PRKG1: variants seen among roughly 807,000 people sequenced by gnomAD.
PRKG1 encodes the protein cGMP-dependent protein kinase 1.
PRKG1 carries 35 observed loss-of-function variants against 88.1 expected under a neutral mutation model. The observed-to-expected ratio is 0.40, with a 90% CI of 0.30 to 0.53. The LOEUF is 0.53. Ranked by LOEUF, PRKG1 falls within the 20% of genes least tolerant of loss-of-function variation. The probability of loss-of-function intolerance (pLI) is 0.59; values close to 1 mark genes in which losing one functional copy is unlikely to be tolerated. For missense variants in PRKG1, 540 were observed against 839.8 expected, an observed-to-expected ratio of 0.64 and a Z score of 4.41; for synonymous variants, 303 against 292.5, an observed-to-expected ratio of 1.04 and a Z score of -0.37.
At chr10:51,365,780 A>G (rs941031824) in intron 2 of PRKG1, among the ~76,000 whole-genome samples, 9 of 151,878 alleles carry the variant, frequency 5.9e-5, no homozygotes, top group Non-Finnish European at 1.3e-4. Context: ...TATCTCTCTT[A>G]AGTACCTAGT....
chr10:51,157,424 A>G (rs1846241937), intron 2 of PRKG1, among the ~76,000 whole-genome samples: 1 of 151,894 alleles, frequency 6.6e-6, no homozygotes, highest in Non-Finnish European at 1.5e-5. Flanking sequence ...GATACAGTTT[A>G]TTTTCTTAAA....
chr10:52,230,061 T>C (rs1192295041), intron 9 of PRKG1, among the ~76,000 whole-genome samples: 2 of 151,974 alleles, frequency 1.3e-5, no homozygotes, highest in East Asian at 3.9e-4. Flanking sequence ...GTACAAAGAG[T>C]TAACAAAGTT....
chr10:51,819,232 A>G (rs1392923354), intron 4 of PRKG1, among the ~76,000 whole-genome samples: 1 of 151,874 alleles, frequency 6.6e-6, no homozygotes, highest in Admixed American at 6.6e-5. Context: ...AGCAAGAAAG[A>G]GAGGGGAGGT....
intron 8 of PRKG1, among the ~76,000 whole-genome samples, chr10:52,140,703 T>C (rs1024515945): frequency 6.6e-6 from 1 of 151,908 alleles, no homozygotes; most frequent in Non-Finnish European, 1.5e-5. Flanking sequence ...TCAGGTGCCA[T>C]TGGGGGAGAG....
At chr10:51,450,319 AT>A (rs1384855577) in intron 2 of PRKG1, among the ~76,000 whole-genome samples, 1 of 151,904 alleles carries the variant, frequency 6.6e-6, no homozygotes, top group Non-Finnish European at 1.5e-5. Flanking sequence ...TTATGTTTTC[AT>A]TTTTCTAAGC....
At chr10:51,196,124 G>A (rs74133529) in intron 2 of PRKG1, among the ~76,000 whole-genome samples, 8,075 of 152,222 alleles carry the variant, frequency 0.053, 401 homozygotes, top group African/African-American at 0.13. Context: ...TAGTAGGAAG[G>A]AGAGGCTATA....
chr10:52,129,011 G>C (rs1191551139), intron 7 of PRKG1, among the ~76,000 whole-genome samples: 1 of 152,078 alleles, frequency 6.6e-6, no homozygotes, highest in Non-Finnish European at 1.5e-5. Flanking sequence ...AAGTTCTCTT[G>C]TGTTCAATAT....
rs752625931 is a variant in PRKG1, at chr10:51,804,685, A to G, written c.693A>G (p.Leu231=). 1 of 1,557,442 alleles carries G rather than the reference A, an allele frequency of 6.4e-7. No individual in the cohort carries two copies. Among genetic ancestry groups the G allele is most frequent in the Non-Finnish European group, 8.9e-7 (1 of 1,129,430 alleles). The part of the protein sequence containing the change: ...LIKHTEYMEF[L]KSVPTFQSLP... Reference sequence around the variant, plus strand: ...AGCATACCGAGTATATGGAATTTTTAAAAAGGTAGGATGCTTTCTTTTCTC... The same window carrying G: ...AGCATACCGAGTATATGGAATTTTTGAAAAGGTAGGATGCTTTCTTTTCTC... The change falls in exon 4 of 18, where the codon TTA becomes TTG. Residue 231 remains leucine, a synonymous_variant. Coordinates refer to ENST00000373980, the MANE Select transcript of PRKG1 (RefSeq NM_006258.4).
intron 4 of PRKG1, among the ~76,000 whole-genome samples, chr10:51,811,190 T>C (rs1260002149): frequency 6.6e-6 from 1 of 152,186 alleles, no homozygotes; most frequent in African/African-American, 2.4e-5. Flanking sequence ...CCTACTACAG[T>C]AAACTAAAGT....
chr10:51,980,012 C>G (rs1255303190), intron 5 of PRKG1, among the ~76,000 whole-genome samples: 3 of 152,036 alleles, frequency 2.0e-5, no homozygotes, highest in Non-Finnish European at 4.4e-5. Context: ...TATTTCTTGT[C>G]TTCTGCTGGC....
chr10:52,052,091 A>G (rs938406061), intron 5 of PRKG1, among the ~76,000 whole-genome samples: 3 of 152,208 alleles, frequency 2.0e-5, no homozygotes, highest in Non-Finnish European at 4.4e-5. Context: ...AATTAAATAA[A>G]TTTAAAAATT....
intron 4 of PRKG1, among the ~76,000 whole-genome samples, chr10:51,897,067 A>C (rs541373718): frequency 6.6e-6 from 1 of 152,340 alleles, no homozygotes; most frequent in South Asian, 2.1e-4. Context: ...AAGAAAGACC[A>C]GTTATAAGAC....
At chr10:51,656,915 G>A (rs975147898) in intron 3 of PRKG1, among the ~76,000 whole-genome samples, 9 of 152,208 alleles carry the variant, frequency 5.9e-5, no homozygotes, top group Middle Eastern at 3.4e-3. Context: ...TGAAAGCTTC[G>A]TGACTATGAA....
At chr10:51,585,446 A>G (rs565865588) in intron 3 of PRKG1, among the ~76,000 whole-genome samples, 1 of 152,114 alleles carries the variant, frequency 6.6e-6, no homozygotes, top group Non-Finnish European at 1.5e-5. Context: ...TTCATTCAAA[A>G]CTAAACTAAT....
intron 1 of PRKG1, among the ~76,000 whole-genome samples, chr10:51,094,975 A>C (rs1589148480): frequency 1.3e-5 from 2 of 152,252 alleles, no homozygotes; most frequent in Admixed American, 1.3e-4. Flanking sequence ...ATACAAATAA[A>C]AGCTGAATTT....
In PRKG1 at chr10:51,412,178, A is replaced by T. The variant is rs566244141; in HGVS notation, c.479-55545A>T. On this transcript the variant is annotated intron_variant, in intron 2 of 17. Coordinates refer to ENST00000373980, the MANE Select transcript of PRKG1 (RefSeq NM_006258.4). Reference sequence around the variant, plus strand: ...GGACCAAGCTGATTAAAGGAGAGAGAGTGAGAGAGAGAGAGAGAGAGAGAG... The same window carrying T: ...GGACCAAGCTGATTAAAGGAGAGAGTGTGAGAGAGAGAGAGAGAGAGAGAG... 8.8e-5 allele frequency among the ~76,000 whole-genome samples: 9 copies of T among 102,726 alleles called. No individual in the cohort carries two copies. The Admixed American group carries it at 8.9e-4, about 10-fold the overall frequency. The allele number at this position is 102,726 out of a possible 152,430, so 67.4% of individuals were successfully genotyped here.
intron 3 of PRKG1, among the ~76,000 whole-genome samples, chr10:51,471,888 G>A (rs1402378910): frequency 5.9e-5 from 9 of 151,842 alleles, no homozygotes; most frequent in Admixed American, 3.3e-4. Flanking sequence ...TACAAAGAAC[G>A]TCTATGGTGG....
intron 3 of PRKG1, among the ~76,000 whole-genome samples, chr10:51,601,216 G>A (rs1443635346): frequency 1.3e-5 from 2 of 152,034 alleles, no homozygotes; most frequent in Non-Finnish European, 2.9e-5. Context: ...GGGAATGTTT[G>A]GGACAGATTA....
At chr10:51,804,018 G>A (rs1475832065) in intron 3 of PRKG1, among the ~76,000 whole-genome samples, 1 of 152,040 alleles carries the variant, frequency 6.6e-6, no homozygotes, top group Non-Finnish European at 1.5e-5. Context: ...CAACAAACAT[G>A]TCTACTGAAA....
Sources: gnomAD v4.1 joint callset for allele counts (sites outside exome capture counted in the v4.1 genomes callset) on GRCh38, gnomAD v4.1.1 for gene constraint, MANE v1.5 for transcripts, NCBI Gene and HGNC (gene_info 2026-07-23, HGNC 2026-07-21) for gene names.